Variants in ATP2B2 observed in about 807,000 individuals in gnomAD.
ATP2B2 encodes the protein plasma membrane calcium-transporting ATPase 2.
Under a neutral mutation model 120.0 loss-of-function variants are expected in ATP2B2, and 15 were observed. The observed-to-expected ratio is 0.12, with a 90% CI of 0.08 to 0.19. The LOEUF is 0.19. ATP2B2 is among the 10% of genes least tolerant of loss of function. The pLI is 1.00. For missense variants in ATP2B2, 1,045 were observed against 1,719.8 expected, an observed-to-expected ratio of 0.61 and a Z score of 6.94; for synonymous variants, 694 against 700.3, an observed-to-expected ratio of 0.99 and a Z score of 0.14.
At chr3:10,468,771 A>G (rs951185527) in intron 1 of ATP2B2, among the ~76,000 whole-genome samples, 3 of 152,204 alleles carry the variant, frequency 2.0e-5, no homozygotes, top group African/African-American at 7.2e-5. Flanking sequence ...TTGGGTTCCT[A>G]TCAGTGCCAA....
intron 2 of ATP2B2, among the ~76,000 whole-genome samples, chr3:10,447,727 C>T (rs1222139141): frequency 6.6e-6 from 1 of 152,132 alleles, no homozygotes; most frequent in Non-Finnish European, 1.5e-5. Flanking sequence ...GAAGCTGGGA[C>T]CCAGAAGTCT....
intron 1 of ATP2B2, among the ~76,000 whole-genome samples, chr3:10,669,706 AT>A (rs2071043317): frequency 6.6e-6 from 1 of 152,180 alleles, no homozygotes; most frequent in Non-Finnish European, 1.5e-5. Flanking sequence ...GACCCTGGCC[AT>A]GGTTTGCATC....
chr3:10,656,559 C>G (rs2070633549), intron 1 of ATP2B2, among the ~76,000 whole-genome samples: 1 of 152,194 alleles, frequency 6.6e-6, no homozygotes, highest in Non-Finnish European at 1.5e-5. Context: ...CCGCACACAC[C>G]AGTCAAATGC....
chr3:10,379,071 A>C lies in ATP2B2; in HGVS notation c.1042+172T>G, dbSNP rs975125330. ...CCTCCTCACCGGTGGACACCTCTTT[A>C]TTTGGCCTGGCACCATGCAAATCAC... On this transcript the variant is annotated intron_variant, in intron 9 of 22. Coordinates refer to ENST00000360273, the MANE Select transcript of ATP2B2 (RefSeq NM_001001331.4). Among the ~76,000 whole-genome samples, 3 of 152,120 alleles carry C rather than the reference A, an allele frequency of 2.0e-5. No homozygotes were observed. In the South Asian group the frequency reaches 6.2e-4, roughly 32 times the overall value.
intron 1 of ATP2B2, among the ~76,000 whole-genome samples, chr3:10,664,550 A>C (rs2070875469): frequency 6.6e-6 from 1 of 152,170 alleles, no homozygotes; most frequent in Non-Finnish European, 1.5e-5. Context: ...GCTTTTCCGC[A>C]GGTTACACAG....
intron 5 of ATP2B2, among the ~76,000 whole-genome samples, chr3:10,399,247 C>T (rs1044790770): frequency 3.9e-5 from 6 of 152,232 alleles, no homozygotes; most frequent in Non-Finnish European, 8.8e-5. Flanking sequence ...AGGGCTGTAA[C>T]AATTTATTGA....
intron 2 of ATP2B2, among the ~76,000 whole-genome samples, chr3:10,545,747 G>T (rs977782522): frequency 6.6e-6 from 1 of 151,984 alleles, no homozygotes; most frequent in African/African-American, 2.4e-5. Context: ...TTAAATCATG[G>T]CAACAATTTG....
rs762199117 is a variant in ATP2B2 at position 10,350,415 on chromosome 3, G to T, written c.2299C>A (p.Arg767Ser). The part of the protein sequence containing the change: ...LEGKEFNRRI[R>S]NEKGEIEQER... ...ACACGCACCTCCCCCTTCTCGTTGCGGATCCTCCTGTTGAACTCCTTGCCC... is the reference window on the plus strand; with the variant it reads ...ACACGCACCTCCCCCTTCTCGTTGCTGATCCTCCTGTTGAACTCCTTGCCC... Residue 767 changes from arginine to serine, a missense_variant, in exon 15 of 23, where the codon CGC (arginine) becomes AGC (serine). Arg to Ser is a moderately radical substitution (Grantham distance 110, BLOSUM62 -1). This residue lies in a region of ATP2B2 where 343 missense variants were observed against 536.8 expected (regional missense o/e 0.64). Coordinates refer to ENST00000360273, the MANE Select transcript of ATP2B2 (RefSeq NM_001001331.4). 6.2e-7 allele frequency: 1 copy of T among 1,614,192 alleles called. No homozygotes were observed. Among genetic ancestry groups the T allele is most frequent in the Admixed American group, 1.7e-5 (1 of 60,020 alleles).
intron 14 of ATP2B2, among the ~76,000 whole-genome samples, chr3:10,356,155 CGTGTGTGTGTGTGTGTGT>C (rs911717639): frequency 3.8e-5 from 1 of 26,512 alleles, no homozygotes; most frequent in Admixed American, 6.5e-4. Flanking sequence ...TGCGTGTGTG[CGTGTGTGTGTGTGTGTGT>C]GTGTGTGTGT....
intron 1 of ATP2B2, among the ~76,000 whole-genome samples, chr3:10,649,374 A>G (rs1228303620): frequency 3.9e-5 from 6 of 152,160 alleles, no homozygotes; most frequent in African/African-American, 1.2e-4. Context: ...TATAGACAGA[A>G]CTCCCTAAAG....
chr3:10,610,070 CACACAT>C (rs1234166133), intron 2 of ATP2B2, among the ~76,000 whole-genome samples: 8 of 67,144 alleles, frequency 1.2e-4, no homozygotes, highest in Non-Finnish European at 2.0e-4. Flanking sequence ...TATACATATA[CACACAT>C]ACACACACAC....
chr3:10,424,612 A>C (rs2063090025), intron 2 of ATP2B2, among the ~76,000 whole-genome samples: 1 of 152,244 alleles, frequency 6.6e-6, no homozygotes, highest in Non-Finnish European at 1.5e-5. Flanking sequence ...AGTCCTTCAA[A>C]AGCTACATCA....
chr3:10,568,763 A>T (rs974167527), intron 2 of ATP2B2, among the ~76,000 whole-genome samples: 1 of 152,050 alleles, frequency 6.6e-6, no homozygotes, highest in Non-Finnish European at 1.5e-5. Flanking sequence ...TTGGCTCCAG[A>T]CCTATAGCCG....
chr3:10,370,932 ATGGTGAGTCTAGACAGCT>A (rs1384478468), intron 12 of ATP2B2, among the ~76,000 whole-genome samples: 1 of 152,230 alleles, frequency 6.6e-6, no homozygotes, highest in Non-Finnish European at 1.5e-5. Flanking sequence ...GGTTTACAGC[ATGGTGAGTCTAGACAGCT>A]TAGCTGAGAC....
At chr3:10,583,451 G>A (rs185897484) in intron 2 of ATP2B2, among the ~76,000 whole-genome samples, 3 of 152,168 alleles carry the variant, frequency 2.0e-5, no homozygotes, top group East Asian at 3.9e-4. Context: ...CCTAAGCCCT[G>A]TTTGTCCTAG....
intron 1 of ATP2B2, among the ~76,000 whole-genome samples, chr3:10,674,537 G>A (rs1040156380): frequency 2.0e-5 from 3 of 151,826 alleles, no homozygotes; most frequent in Non-Finnish European, 4.4e-5. Context: ...GAGTGATAGG[G>A]GTTTTACTTT....
chr3:10,356,074 C>CA lies in ATP2B2; in HGVS notation c.2136+2616dup, dbSNP rs1163636761. ...TGGGCGACAGAGCGAGACTCCGTCT[C>CA]AAAAAAAAAAAAAAAAAAAAAAAAA... On this transcript the variant is annotated intron_variant, in intron 14 of 22. Coordinates refer to ENST00000360273, the MANE Select transcript of ATP2B2 (RefSeq NM_001001331.4). 6.5e-3 allele frequency among the ~76,000 whole-genome samples: 20 copies of CA among 3,074 alleles called. 6 individuals carry two copies. Among genetic ancestry groups the CA allele is most frequent in the Non-Finnish European group, 0.01 (15 of 1,458 alleles). The allele number at this position is 3,074 out of a possible 152,430, so 2.0% of individuals were successfully genotyped here.
At chr3:10,440,100 T>TAAAAAAAA (rs71055819) in intron 2 of ATP2B2, among the ~76,000 whole-genome samples, 3 of 28,170 alleles carry the variant, frequency 1.1e-4, no homozygotes, top group African/African-American at 1.5e-4. Flanking sequence ...AGACTCTATC[T>TAAAAAAAA]AAAAAAAAAA....
chr3:10,641,890 C>T (rs960938998), intron 1 of ATP2B2, among the ~76,000 whole-genome samples: 1 of 152,016 alleles, frequency 6.6e-6, no homozygotes, highest in Non-Finnish European at 1.5e-5. Flanking sequence ...ACCCATCCAT[C>T]CATTCACCCA....
Sources: allele counts gnomAD v4.1 joint callset (sites outside exome capture counted in the v4.1 genomes callset), GRCh38; gene constraint gnomAD v4.1.1; regional missense constraint gnomAD v4.1.1; transcripts MANE v1.5; gene names NCBI Gene and HGNC (gene_info 2026-07-23, HGNC 2026-07-21).